The following ACSF3 variants were observed in gnomAD, a reference collection of about 807,000 sequenced individuals.
ACSF3 encodes the protein acyl-CoA synthetase family member 3.
A neutral mutation model predicts 53.2 loss-of-function variants in ACSF3; 78 were observed. The observed-to-expected ratio is 1.47, with a 90% CI of 1.22 to 1.77. The LOEUF (loss-of-function observed/expected upper bound fraction) is 1.77, where lower values mean the gene tolerates loss of function less well. Among genes scored for constraint, ACSF3 ranks in the 40% most tolerant of loss-of-function variants. The pLI is 0.00. For synonymous variants in ACSF3, 414 were observed against 333.1 expected (o/e 1.24, Z -2.65); for missense variants, 937 against 771.1 (o/e 1.22, Z -2.55).
chr16:89,124,686 A>G (rs56758029), intron 7 of ACSF3, among the ~76,000 whole-genome samples: 112,956 of 147,630 alleles, frequency 0.77, 42,629 homozygotes, highest in Admixed American at 0.81. Flanking sequence ...TCACATATGC[A>G]CACACTGCAT....
At chr16:89,137,743 C>G (rs1470031563) in intron 8 of ACSF3, among the ~76,000 whole-genome samples, 1 of 152,132 alleles carries the variant, frequency 6.6e-6, no homozygotes, top group Non-Finnish European at 1.5e-5. Context: ...AACCCCCAGA[C>G]TGAGAAATTC....
chr16:89,096,318 G>A (rs1481524788), intron 1 of ACSF3, among the ~76,000 whole-genome samples: 1 of 152,220 alleles, frequency 6.6e-6, no homozygotes, highest in Non-Finnish European at 1.5e-5. Flanking sequence ...GTGATGGGGA[G>A]CCCCACGGTA....
At chr16:89,119,792 G>A (rs938992168) in intron 6 of ACSF3, among the ~76,000 whole-genome samples, 3 of 152,152 alleles carry the variant, frequency 2.0e-5, no homozygotes, top group Admixed American at 1.3e-4. Flanking sequence ...CAGCAAGACC[G>A]AGCCGGGCAC....
At chr16:89,127,622 T>C (rs117658388) in intron 7 of ACSF3, among the ~76,000 whole-genome samples, 1 of 152,132 alleles carries the variant, frequency 6.6e-6, no homozygotes, top group Non-Finnish European at 1.5e-5. Flanking sequence ...CCTCCTCGCC[T>C]CCCAAAGTGC....
At chr16:89,120,946 C>A (rs759421967) in intron 7 of ACSF3, 33 bp downstream of exon 7, 9 of 1,596,606 alleles carry the variant, frequency 5.6e-6, no homozygotes, top group Non-Finnish European at 7.7e-6. Context: ...GGTGGGCGGC[C>A]GTGTGTCCAG....
chr16:89,107,957 A>G (rs188828743), intron 4 of ACSF3, among the ~76,000 whole-genome samples: 44 of 152,326 alleles, frequency 2.9e-4, no homozygotes, highest in Admixed American at 5.9e-4. Context: ...TTGGACTCGC[A>G]GTTCCACATG....
intron 8 of ACSF3, among the ~76,000 whole-genome samples, chr16:89,143,297 G>A (rs867668019): frequency 7.2e-5 from 11 of 152,172 alleles, no homozygotes; most frequent in Admixed American, 3.3e-4. Flanking sequence ...GACACAGGCA[G>A]CTCAAGAGGG....
In ACSF3 at chr16:89,156,119, C is replaced by T. The variant is rs140883908; in HGVS notation, c.*1912C>T. ...CTGGTCGGCCTTCGTGCACACAGTC[C>T]GCCAGTGCCCAGCCAGGCCCCTGGT... On this transcript the variant is annotated 3_prime_UTR_variant, in exon 11 of 11. Transcript: ENST00000614302. Among the ~76,000 whole-genome samples the T allele has an allele frequency of 3.3e-3, 502 of 152,294 alleles. 3 individuals are homozygous for T. Among genetic ancestry groups the T allele is most frequent in the African/African-American group, 0.011 (460 of 41,556 alleles).
At chr16:89,132,066 G>A (rs1006946407) in intron 7 of ACSF3, among the ~76,000 whole-genome samples, 6 of 152,270 alleles carry the variant, frequency 3.9e-5, no homozygotes, top group African/African-American at 9.6e-5. Flanking sequence ...GCAGCAGGAC[G>A]ACACACTCGG....
At chr16:89,094,731 A>C (rs546917276) in intron 1 of ACSF3, among the ~76,000 whole-genome samples, 3 of 152,202 alleles carry the variant, frequency 2.0e-5, no homozygotes, top group African/African-American at 7.2e-5. Context: ...CTATCTCTAC[A>C]AAAAAATGTA....
intron 10 of ACSF3, 51 bp from the exon 11 acceptor site, chr16:89,154,039 C>T (rs751196633): frequency 1.3e-5 from 20 of 1,583,388 alleles, no homozygotes; most frequent in African/African-American, 4.0e-5. Flanking sequence ...TGAGTTCCTC[C>T]TGCTGGGCAC....
rs1397393998 is a variant in ACSF3, at chr16:89,136,524, T to C, written c.1366+3262T>C. 4 of 1,252,114 alleles carry C rather than the reference T, an allele frequency of 3.2e-6. No homozygotes were observed. The African/African-American group carries it at 6.2e-5, about 19-fold the overall frequency. The allele number at this position is 1,252,114 out of a possible 1,614,324, so 77.6% of individuals were successfully genotyped here. A position where few individuals can be genotyped will look rare whatever the true frequency, so the allele number is the denominator to read the frequency against. On this transcript the variant is annotated intron_variant, in intron 8 of 10. Transcript: ENST00000614302. ...GATATTAAATAGAAATCAGGAGAAATTAAACTTAACCCTTTCCCTGGCCAG... is the reference window on the plus strand; with the variant it reads ...GATATTAAATAGAAATCAGGAGAAACTAAACTTAACCCTTTCCCTGGCCAG...
intron 8 of ACSF3, chr16:89,136,773 C>G (rs565951350): frequency 7.8e-7 from 1 of 1,287,164 alleles, no homozygotes; most frequent in Non-Finnish European, 1.0e-6. Context: ...ACACAGCGGG[C>G]TTGTGAGGCC....
rs1173252462 is a variant in ACSF3 at position 89,141,286 on chromosome 16, G to A, written c.1367-3981G>A. The A allele has an allele frequency of 4.7e-6, 6 of 1,287,152 alleles. No homozygotes were observed. In the Admixed American group the frequency reaches 1.1e-4, roughly 25 times the overall value. 79.7% of individuals were successfully genotyped at this position (1,287,152 alleles called of 1,614,324 possible). On this transcript the variant is annotated intron_variant, in intron 8 of 10. Coordinates refer to ENST00000614302, the MANE Select transcript of ACSF3 (RefSeq NM_001243279.3). ...AGGCACAGCAAGGCGGGTGAGGCGG[G>A]CGCTGAGTAGTCTGGGAATGGGCAG...
In ACSF3 at chr16:89,102,678, C is replaced by A. The variant is rs773357766; in HGVS notation, c.741C>A (p.Val247=). 6.2e-6 allele frequency: 10 copies of A among 1,613,798 alleles called. No homozygotes were observed. Among genetic ancestry groups the A allele is most frequent in the Non-Finnish European group, 7.6e-6 (9 of 1,180,038 alleles). The change falls in exon 4 of 11, where the codon GTC becomes GTA. Residue 247 remains valine (V), a synonymous_variant. Transcript: ENST00000614302. ...VILHVLPLHH[V]HGVVNALLCP... ...TCCACGTGCTCCCGCTGCACCACGT[C>A]CATGGTGTGGTCAACGCGCTGCTCT...
At position 89,101,290 on chromosome 16, in the gene ACSF3, T is replaced by C; in HGVS notation, c.609T>C (p.Ser203=). The change falls in exon 3 of 11, where the codon AGT becomes AGC. Residue 203 remains serine (S), a synonymous_variant. Coordinates refer to ENST00000614302, the MANE Select transcript of ACSF3 (RefSeq NM_001243279.3). ...RNKGAMIIYT[S]GTTGRPKGVL... is the part of the protein sequence containing the mutation. ...AGGGCGCCATGATCATCTACACCAG[T>C]GGGACCACGGGGAGGCCCAAGGGCG... 1.9e-6 allele frequency: 3 copies of C among 1,603,166 alleles called. No individual in the cohort carries two copies. Among genetic ancestry groups the C allele is most frequent in the East Asian group, 4.5e-5 (2 of 44,384 alleles).
At chr16:89,123,286 T>C (rs1907106981) in intron 7 of ACSF3, among the ~76,000 whole-genome samples, 2 of 152,072 alleles carry the variant, frequency 1.3e-5, no homozygotes, top group Admixed American at 6.5e-5. Context: ...GACAACCAGG[T>C]GATGATGGGC....
At chr16:89,135,165 C>G (rs889007880) in intron 8 of ACSF3, among the ~76,000 whole-genome samples, 21 of 150,452 alleles carry the variant, frequency 1.4e-4, no homozygotes, top group African/African-American at 5.2e-4. Context: ...AAAAAAGAGG[C>G]CCATTTTCAT....
At chr16:89,103,804 C>T (rs1567689739) in intron 4 of ACSF3, among the ~76,000 whole-genome samples, 2 of 152,318 alleles carry the variant, frequency 1.3e-5, no homozygotes, top group East Asian at 3.9e-4. Context: ...TGTAGCGTCT[C>T]CCTTGGAGCA....
Sources: gnomAD v4.1 joint callset for allele counts (sites outside exome capture counted in the v4.1 genomes callset) on GRCh38, gnomAD v4.1.1 for gene constraint, MANE v1.5 for transcripts, NCBI Gene and HGNC (gene_info 2026-07-23, HGNC 2026-07-21) for gene names.